The following AP3B1 variants were observed in gnomAD, a reference collection of about 807,000 sequenced individuals.
AP3B1 encodes the protein adaptor related protein complex 3 subunit beta 1.
In AP3B1, 61 loss-of-function variants were observed where a neutral mutation model predicts 132.5. That is an observed-to-expected ratio of 0.46 (90% CI 0.37 to 0.57). The LOEUF (loss-of-function observed/expected upper bound fraction) is 0.57. Ranked by LOEUF, AP3B1 falls within the 20% of genes least tolerant of loss-of-function variation. The pLI, the probability that AP3B1 is intolerant of heterozygous loss-of-function variation, is 0.00. For synonymous variants in AP3B1, 388 were observed against 438.3 expected (o/e 0.89, Z 1.43); for missense variants, 1,120 against 1,289.4 (o/e 0.87, Z 2.01).
chr5:78,193,764 A>ATTT lies in AP3B1; in HGVS notation c.787-12103_787-12102insAAA, dbSNP rs1419109983. On this transcript the variant is annotated intron_variant, in intron 7 of 26. Transcript: ENST00000255194. ...TTTTTTTATATATATATATATATAT[A>ATTT]TATATATTTTTTTTTTAGACAGAGT... 2.7e-3 allele frequency among the ~76,000 whole-genome samples: 284 copies of ATTT among 104,954 alleles called. 1 individual carries two copies. The highest frequency in any genetic ancestry group is 9.3e-3 in the African/African-American group (268 of 28,810). 68.9% of individuals were successfully genotyped at this position (104,954 alleles called of 152,430 possible).
chr5:78,118,706 T>G (rs1178408924), intron 17 of AP3B1, among the ~76,000 whole-genome samples: 1 of 152,144 alleles, frequency 6.6e-6, no homozygotes, highest in Admixed American at 6.5e-5. Context: ...CCACCACAGC[T>G]CAAGGAGGCC....
intron 7 of AP3B1, among the ~76,000 whole-genome samples, chr5:78,214,816 G>C (rs542334600): frequency 6.6e-6 from 1 of 152,144 alleles, no homozygotes; most frequent in Admixed American, 6.5e-5. Context: ...AGTTGACAAG[G>C]ATAGTAAAAT....
At chr5:78,263,126 T>C (rs1748168245) in intron 2 of AP3B1, among the ~76,000 whole-genome samples, 1 of 152,216 alleles carries the variant, frequency 6.6e-6, no homozygotes, top group African/African-American at 2.4e-5. Flanking sequence ...ATCTTAACAA[T>C]ATTAGTCTTC....
chr5:78,051,787 T>A (rs1009867451), intron 22 of AP3B1, among the ~76,000 whole-genome samples: 21 of 152,172 alleles, frequency 1.4e-4, no homozygotes, highest in Admixed American at 9.8e-4. Context: ...TATTTTGATA[T>A]ATAATTTATA....
At chr5:78,016,117 G>A (rs1214031676) in intron 25 of AP3B1, among the ~76,000 whole-genome samples, 1 of 152,024 alleles carries the variant, frequency 6.6e-6, no homozygotes, top group Admixed American at 6.6e-5. Flanking sequence ...AGAGCTAAAA[G>A]TACTTGTCTA....
intron 24 of AP3B1, among the ~76,000 whole-genome samples, chr5:78,030,899 G>A (rs1348776134): frequency 6.6e-6 from 1 of 152,016 alleles, no homozygotes; most frequent in Non-Finnish European, 1.5e-5. Context: ...GGCTGGTCTT[G>A]AAACTCCTGG....
At chr5:78,257,979 C>A (rs10474531) in intron 2 of AP3B1, among the ~76,000 whole-genome samples, 33,886 of 152,102 alleles carry the variant, frequency 0.22, 4,831 homozygotes, top group Middle Eastern at 0.31. Context: ...AAAATTAGAT[C>A]CCTATCTCTC....
At chr5:78,048,807 T>C (rs1396543067) in intron 22 of AP3B1, among the ~76,000 whole-genome samples, 1 of 152,156 alleles carries the variant, frequency 6.6e-6, no homozygotes, top group African/African-American at 2.4e-5. Context: ...CTTAACCTAG[T>C]TCAAATTGGG....
intron 20 of AP3B1, among the ~76,000 whole-genome samples, chr5:78,107,963 T>G (rs1751410922): frequency 6.6e-6 from 1 of 152,230 alleles, no homozygotes; most frequent in Non-Finnish European, 1.5e-5. Flanking sequence ...AGAAGTAAGG[T>G]AGGTACTAGC....
intron 1 of AP3B1, among the ~76,000 whole-genome samples, chr5:78,281,246 C>T: frequency 6.6e-6 from 1 of 152,012 alleles, no homozygotes; most frequent in African/African-American, 2.4e-5. Context: ...ACCATCCTGA[C>T]CAACATGGCA....
At chr5:78,258,884 AT>A (rs1257584321) in intron 2 of AP3B1, among the ~76,000 whole-genome samples, 2 of 152,198 alleles carry the variant, frequency 1.3e-5, no homozygotes, top group African/African-American at 4.8e-5. Context: ...GGATCCAGTC[AT>A]TTGCAACAAC....
intron 7 of AP3B1, among the ~76,000 whole-genome samples, chr5:78,198,968 T>C (rs1050203344): frequency 6.6e-6 from 1 of 152,228 alleles, no homozygotes; most frequent in Middle Eastern, 3.2e-3. Flanking sequence ...CATACTGGTT[T>C]GAGATTTTTT....
intron 22 of AP3B1, among the ~76,000 whole-genome samples, chr5:78,087,944 T>C (rs953677045): frequency 6.6e-6 from 1 of 152,332 alleles, no homozygotes; most frequent in South Asian, 2.1e-4. Context: ...AACAATCCTA[T>C]GCGGTAGATA....
intron 22 of AP3B1, among the ~76,000 whole-genome samples, chr5:78,071,002 A>T (rs1749516520): frequency 6.6e-6 from 1 of 152,266 alleles, no homozygotes; most frequent in Admixed American, 6.5e-5. Flanking sequence ...CAATGAGGTT[A>T]TTCCTCAAAG....
At chr5:78,292,224 T>C (rs917470005) in intron 1 of AP3B1, among the ~76,000 whole-genome samples, 2 of 152,196 alleles carry the variant, frequency 1.3e-5, no homozygotes, top group Non-Finnish European at 2.9e-5. Flanking sequence ...CAAGTAATAT[T>C]ACGGTTTTAT....
chr5:78,136,353 C>T (rs1752909393), intron 15 of AP3B1, among the ~76,000 whole-genome samples: 1 of 152,030 alleles, frequency 6.6e-6, no homozygotes, highest in African/African-American at 2.4e-5. Flanking sequence ...GCATTTGTTC[C>T]AACTCAGTTG....
intron 1 of AP3B1, among the ~76,000 whole-genome samples, chr5:78,270,978 A>C (rs1748522934): frequency 6.6e-6 from 1 of 152,236 alleles, no homozygotes; most frequent in South Asian, 2.1e-4. Context: ...TATTAAGTAA[A>C]AGAAACAACA....
intron 22 of AP3B1, among the ~76,000 whole-genome samples, chr5:78,076,135 A>T (rs1749757820): frequency 6.6e-6 from 1 of 152,248 alleles, no homozygotes; most frequent in Non-Finnish European, 1.5e-5. Flanking sequence ...TGACAAATAA[A>T]GACAACTTGT....
chr5:78,135,360 T>C (rs569698791), intron 15 of AP3B1, among the ~76,000 whole-genome samples: 1 of 152,152 alleles, frequency 6.6e-6, no homozygotes, highest in African/African-American at 2.4e-5. Context: ...TATCTACTTA[T>C]GTAAAATTTG....
Sources: allele counts gnomAD v4.1 joint callset (sites outside exome capture counted in the v4.1 genomes callset), GRCh38; gene constraint gnomAD v4.1.1; transcripts MANE v1.5; gene names NCBI Gene and HGNC (gene_info 2026-07-23, HGNC 2026-07-21).